DIP2A: variants seen among roughly 807,000 people sequenced by gnomAD.
DIP2A encodes disco-interacting protein 2 homolog A.
DIP2A carries 85 observed loss-of-function variants against 177.4 expected under a neutral mutation model. The observed-to-expected ratio is 0.48, with a 90% CI of 0.40 to 0.57. The LOEUF is 0.57. Among genes scored for constraint, DIP2A ranks in the 20% least tolerant of loss-of-function variants. The pLI, the probability that DIP2A is intolerant of heterozygous loss-of-function variation, is 0.00. For synonymous variants in DIP2A, 886 were observed against 881.8 expected, an observed-to-expected ratio of 1.00 and a Z score of -0.08; for missense variants, 1,791 against 2,100.2, an observed-to-expected ratio of 0.85 and a Z score of 2.88.
At chr21:46,561,560 G>T in intron 33 of DIP2A, 188 bp from the exon 34 acceptor site, 1 of 755,050 alleles carries the variant, frequency 1.3e-6, no homozygotes, top group Admixed American at 2.1e-5. Context: ...TGCGGGTGGC[G>T]GCACTTGGGA....
rs892379234 is a variant in DIP2A at position 46,568,690 on chromosome 21, A to G, written c.*1068A>G. 1.3e-5 allele frequency: 2 copies of G among 152,230 alleles called. No individual in the cohort carries two copies. The highest frequency in any genetic ancestry group is 2.4e-5 in the African/African-American group (1 of 41,462). 9.4% of individuals were successfully genotyped at this position (152,230 alleles called of 1,614,324 possible). A position where few individuals can be genotyped will look rare whatever the true frequency, so the allele number is the denominator to read the frequency against. ...CTTGATGCTGTTTAGTTAAATTGCT[A>G]GTTTTCCTAACACTACAATATTAAT... On this transcript the variant is annotated 3_prime_UTR_variant, in exon 38 of 38. Coordinates refer to ENST00000417564, the MANE Select transcript of DIP2A (RefSeq NM_015151.4).
At chr21:46,551,978 G>T in intron 25 of DIP2A, 74 bp downstream of exon 25, 1 of 1,468,428 alleles carries the variant, frequency 6.8e-7, no homozygotes, top group Non-Finnish European at 9.2e-7. Flanking sequence ...TCTAGTTCAT[G>T]GTGCCAGTGT....
chr21:46,541,739 G>T lies in DIP2A; in HGVS notation c.2037-17G>T. ...ATCCCCCTCGTCAGTTAAACCCATG[G>T]TGGTTTTATTTTCTAGGCCACCTGA... On this transcript the variant is annotated splice_polypyrimidine_tract_variant and intron_variant, in intron 17 of 37. Transcript: ENST00000417564. 1.2e-6 allele frequency: 2 copies of T among 1,613,752 alleles called. No individual in the cohort carries two copies. The highest frequency in any genetic ancestry group is 1.7e-6 in the Non-Finnish European group (2 of 1,179,838).
chr21:46,524,313 G>A (rs55878170), intron 8 of DIP2A, among the ~76,000 whole-genome samples: 6,199 of 152,250 alleles, frequency 0.041, 202 homozygotes, highest in Non-Finnish European at 0.066. Context: ...TCGAACCCAG[G>A]TTTGTTCAAG....
intron 8 of DIP2A, among the ~76,000 whole-genome samples, chr21:46,524,565 A>G (rs1330553883): frequency 6.6e-6 from 1 of 152,196 alleles, no homozygotes; most frequent in Non-Finnish European, 1.5e-5. Flanking sequence ...TCCAGACCCC[A>G]AGAGAGGCTC....
In DIP2A at chr21:46,554,730, G is replaced by A. The variant is rs2060398170; in HGVS notation, c.3276+34G>A. 3.2e-6 allele frequency: 5 copies of A among 1,552,406 alleles called. No homozygotes were observed. Among genetic ancestry groups the A allele is most frequent in the Non-Finnish European group, 4.4e-6 (5 of 1,148,580 alleles). On this transcript the variant is annotated intron_variant, in intron 27 of 37. Coordinates refer to ENST00000417564, the MANE Select transcript of DIP2A (RefSeq NM_015151.4). Reference sequence around the variant, plus strand: ...ACCTGGCCCGCGGGTCAGAGTCTGTGAGTGGGAGGCTGCAAGGCTGCCCTC... The same window carrying A: ...ACCTGGCCCGCGGGTCAGAGTCTGTAAGTGGGAGGCTGCAAGGCTGCCCTC...
chr21:46,554,622 G>A lies in DIP2A; in HGVS notation c.3202G>A (p.Val1068Met), dbSNP rs1194667433. The A allele has an allele frequency of 1.6e-5, 25 of 1,608,142 alleles. No individual in the cohort carries two copies. The highest frequency in any genetic ancestry group is 2.2e-5 in the South Asian group (2 of 89,954). The stretch of plus-strand genomic sequence containing the variant: ...CTATGGCTGCTTGTACTGTGGCTGC[G>A]TGCCTGTCACCGTGCGGCCCCCGCA... Reference protein sequence around the residue: ...AFYGCLYCGCVPVTVRPPHPQ... With the variant: ...AFYGCLYCGCMPVTVRPPHPQ... Residue 1068 changes from valine to methionine, a missense_variant, in exon 27 of 38, where the codon GTG becomes ATG. Physicochemically the swap from Val to Met is conservative, Grantham distance 21. Coordinates refer to ENST00000417564, the MANE Select transcript of DIP2A (RefSeq NM_015151.4).
intron 21 of DIP2A, chr21:46,547,306 A>C: frequency 1.1e-6 from 1 of 936,958 alleles, no homozygotes; most frequent in Non-Finnish European, 1.4e-6. Flanking sequence ...AAGGGGACAA[A>C]TCAGGGAGGG....
chr21:46,469,966 C>T (rs1470825845), intron 1 of DIP2A, among the ~76,000 whole-genome samples: 1 of 152,190 alleles, frequency 6.6e-6, no homozygotes, highest in Non-Finnish European at 1.5e-5. Context: ...TCAAGAGCTG[C>T]AGTTTTGTTT....
chr21:46,497,203 G>C (rs2057406235), intron 4 of DIP2A, 96 bp downstream of exon 4: 1 of 1,439,198 alleles, frequency 6.9e-7, no homozygotes, highest in Admixed American at 2.5e-5. Context: ...ATATCCGTCT[G>C]GCCTGTAGTA....
chr21:46,503,909 A>G (rs753245334), intron 5 of DIP2A, among the ~76,000 whole-genome samples: 2 of 152,154 alleles, frequency 1.3e-5, no homozygotes, highest in Non-Finnish European at 2.9e-5. Context: ...TATTTTTAGT[A>G]GAGACGGGGT....
At chr21:46,579,179 G>A in the DIP2A span, among the ~76,000 whole-genome samples, 1 of 152,108 alleles carries the variant, frequency 6.6e-6, no homozygotes. Context: ...TTGTGGTTCA[G>A]TCTTAGGAGG....
At chr21:46,573,645 C>CAAAAAAAAAAAAAAAAAAAAAAAA (rs201994694), downstream of DIP2A, among the ~76,000 whole-genome samples, 21 of 52,974 alleles carry the variant, frequency 4.0e-4, 3 homozygotes, top group African/African-American at 4.4e-4. Flanking sequence ...CCCTCTCTCA[C>CAAAAAAAAAAAAAAAAAAAAAAAA]AAAAAAAAAA....
chr21:46,476,254 AAATT>A (rs2055835597), intron 1 of DIP2A, among the ~76,000 whole-genome samples: 1 of 152,116 alleles, frequency 6.6e-6, no homozygotes, highest in African/African-American at 2.4e-5. Context: ...AAAAAAAAAA[AAATT>A]ATGATGATTA....
chr21:46,536,903 C>CAAAA (rs10714360), intron 13 of DIP2A, among the ~76,000 whole-genome samples: 1 of 129,522 alleles, frequency 7.7e-6, no homozygotes, highest in Non-Finnish European at 1.6e-5. Context: ...GACTCTGTCT[C>CAAAA]AAAAAAAAAA....
intron 33 of DIP2A, 66 bp downstream of exon 33, chr21:46,560,849 C>T: frequency 6.4e-7 from 1 of 1,552,326 alleles, no homozygotes; most frequent in Non-Finnish European, 8.7e-7. Context: ...ACCAGGTCTG[C>T]ACTGACTATG....
chr21:46,533,762 C>A (rs1569054344), intron 11 of DIP2A, 115 bp downstream of exon 11: 9 of 1,475,418 alleles, frequency 6.1e-6, no homozygotes, highest in Non-Finnish European at 7.4e-6. Context: ...AAAAGTGATC[C>A]CTTGTTCGAG....
At chr21:46,578,314 AAAC>A in the DIP2A span, among the ~76,000 whole-genome samples, 100 of 151,744 alleles carry the variant, frequency 6.6e-4, no homozygotes, top group Non-Finnish European at 1.2e-3. Flanking sequence ...CCGTCTCAAA[AAAC>A]AAACAAACAA....
At chr21:46,504,646 T>C (rs1239771139) in intron 6 of DIP2A, among the ~76,000 whole-genome samples, 157 bp downstream of exon 6, 1 of 152,216 alleles carries the variant, frequency 6.6e-6, no homozygotes, top group Non-Finnish European at 1.5e-5. Flanking sequence ...CAGTTAATGT[T>C]ATAGAAAGCA....
Sources: gnomAD v4.1 joint callset for allele counts (sites outside exome capture counted in the v4.1 genomes callset) on GRCh38, gnomAD v4.1.1 for gene constraint, MANE v1.5 for transcripts, NCBI Gene and HGNC (gene_info 2026-07-23, HGNC 2026-07-21) for gene names.